The following NHSL1 variants were observed in gnomAD, a reference collection of about 807,000 sequenced individuals.
The protein encoded by NHSL1 is NHS-like protein 1.
Under a neutral mutation model 95.0 loss-of-function variants are expected in NHSL1, and 48 were observed. The ratio of observed to expected loss-of-function variants is 0.51; its 90% confidence interval spans 0.40 to 0.64. The LOEUF is 0.64. Ranked by LOEUF, NHSL1 falls within the 30% of genes least tolerant of loss-of-function variation. The probability of loss-of-function intolerance (pLI) is 0.00; values close to 1 mark genes in which losing one functional copy is unlikely to be tolerated. For missense variants in NHSL1, 1,971 were observed against 2,077.7 expected, an observed-to-expected ratio of 0.95 and a Z score of 1.00; for synonymous variants, 783 against 833.9, an observed-to-expected ratio of 0.94 and a Z score of 1.05.
chr6:138,462,617 T>C (rs1394366995), intron 3 of NHSL1, among the ~76,000 whole-genome samples: 2 of 152,200 alleles, frequency 1.3e-5, no homozygotes, highest in East Asian at 3.8e-4. Context: ...GAAGAAGTTG[T>C]GTTTGGAGAT....
intron 1 of NHSL1, chr6:138,571,638 G>T: frequency 2.2e-6 from 3 of 1,378,618 alleles, no homozygotes; most frequent in East Asian, 5.0e-5. Context: ...TCATGAAGGG[G>T]GAGTGATAGA....
At chr6:138,458,839 A>C (rs1777803672) in intron 3 of NHSL1, among the ~76,000 whole-genome samples, 1 of 151,548 alleles carries the variant, frequency 6.6e-6, no homozygotes, top group Non-Finnish European at 1.5e-5. Flanking sequence ...AAAAAAAAAA[A>C]AACAAAAAAA....
At chr6:138,510,370 C>T (rs1391342790) in intron 1 of NHSL1, among the ~76,000 whole-genome samples, 3 of 152,138 alleles carry the variant, frequency 2.0e-5, no homozygotes, top group Non-Finnish European at 4.4e-5. Context: ...AACAGCAAGA[C>T]CTATAGTTAA....
chr6:138,582,425 G>A (rs1784074751), intron 1 of NHSL1, among the ~76,000 whole-genome samples: 3 of 151,828 alleles, frequency 2.0e-5, no homozygotes, highest in Admixed American at 6.6e-5. Flanking sequence ...AAAAAACTTC[G>A]AAAAATTTTG....
chr6:138,586,772 AGGGCTTG>A (rs1247463629), intron 1 of NHSL1, among the ~76,000 whole-genome samples: 2 of 152,188 alleles, frequency 1.3e-5, no homozygotes, highest in Admixed American at 1.3e-4. Context: ...AGCCAAGCAC[AGGGCTTG>A]GGACACTGTG....
At chr6:138,597,617 C>T (rs888604852) in intron 1 of NHSL1, among the ~76,000 whole-genome samples, 2 of 152,174 alleles carry the variant, frequency 1.3e-5, no homozygotes, top group Non-Finnish European at 2.9e-5. Context: ...ACCACCTAAC[C>T]GCTTGTAGTG....
At chr6:138,465,450 T>G (rs544176721) in intron 3 of NHSL1, among the ~76,000 whole-genome samples, 1 of 152,198 alleles carries the variant, frequency 6.6e-6, no homozygotes, top group Non-Finnish European at 1.5e-5. Context: ...AGTGCCGTTT[T>G]GCCTGTTGCA....
intron 1 of NHSL1, among the ~76,000 whole-genome samples, chr6:138,533,604 G>A (rs1782224784): frequency 6.6e-6 from 1 of 152,122 alleles, no homozygotes; most frequent in Non-Finnish European, 1.5e-5. Flanking sequence ...TTTACTAAGA[G>A]AAATAATCTC....
At chr6:138,528,308 T>C (rs1666337531) in intron 1 of NHSL1, among the ~76,000 whole-genome samples, 1 of 151,984 alleles carries the variant, frequency 6.6e-6, no homozygotes, top group African/African-American at 2.4e-5. Flanking sequence ...GAGGTATTCA[T>C]TCAGAAGGAA....
At chr6:138,443,907 A>G (rs1367539175) in intron 4 of NHSL1, among the ~76,000 whole-genome samples, 1 of 152,234 alleles carries the variant, frequency 6.6e-6, no homozygotes, top group African/African-American at 2.4e-5. Flanking sequence ...AAATCACCCA[A>G]GCTCCCAGAA....
chr6:138,674,131 TA>T (rs1056201053), intron 1 of NHSL1, among the ~76,000 whole-genome samples: 8 of 152,098 alleles, frequency 5.3e-5, no homozygotes, highest in Admixed American at 3.9e-4. Context: ...TAGAGCTAAG[TA>T]AAAAAAGCAA....
At chr6:138,593,677 T>G (rs1252276410) in intron 1 of NHSL1, among the ~76,000 whole-genome samples, 1 of 152,212 alleles carries the variant, frequency 6.6e-6, no homozygotes, top group Non-Finnish European at 1.5e-5. Context: ...CACAAACTCA[T>G]GCACATTATA....
chr6:138,558,807 C>A (rs186534752), intron 1 of NHSL1, among the ~76,000 whole-genome samples: 32 of 152,262 alleles, frequency 2.1e-4, no homozygotes, highest in African/African-American at 7.7e-4. Context: ...CTTTGGGAGG[C>A]TGAAGTGGGA....
chr6:138,434,586 GA>G (rs1046134162), intron 5 of NHSL1, among the ~76,000 whole-genome samples: 3 of 148,596 alleles, frequency 2.0e-5, no homozygotes, highest in East Asian at 2.0e-4. Context: ...AGTGTACTGA[GA>G]AAAAAAAAAG....
At chr6:138,668,440 T>C (rs530422064) in intron 1 of NHSL1, among the ~76,000 whole-genome samples, 10 of 151,688 alleles carry the variant, frequency 6.6e-5, no homozygotes, top group African/African-American at 2.2e-4. Context: ...CGAAACTCCA[T>C]CTCAAAAAAA....
intron 5 of NHSL1, among the ~76,000 whole-genome samples, chr6:138,435,836 C>T (rs532847661): frequency 1.5e-4 from 22 of 151,610 alleles, no homozygotes; most frequent in Non-Finnish European, 2.1e-4. Context: ...CTGTGTGTCA[C>T]GTTTTGGTAA....
At chr6:138,537,143 C>G (rs1782386857) in intron 1 of NHSL1, among the ~76,000 whole-genome samples, 1 of 152,160 alleles carries the variant, frequency 6.6e-6, no homozygotes, top group African/African-American at 2.4e-5. Flanking sequence ...CAGTTCAAAT[C>G]TTGTTTTAAA....
At position 138,447,036 on chromosome 6, in the gene NHSL1, G is replaced by A; in HGVS notation, c.497C>T (p.Thr166Ile). The A allele has an allele frequency of 6.4e-7, 1 of 1,551,740 alleles. No homozygotes were observed. The change falls in exon 4 of 8, where the codon ACA (threonine) becomes ATA (isoleucine). Residue 166 changes from threonine (T) to isoleucine (I), a missense_variant. By Grantham distance (89) the Thr-to-Ile change is moderately conservative (BLOSUM62 -1). This residue lies in a region of NHSL1 where 1,602 missense variants were observed against 1,654.5 expected (regional missense o/e 0.97). Coordinates refer to ENST00000343505, the MANE Select transcript of NHSL1 (RefSeq NM_001144060.2). ...PEEKMRQQAQTVQADVVPINI... is the reference protein window; with the variant it reads ...PEEKMRQQAQIVQADVVPINI... ...AATAGGCACCACGTCAGCCTGGACT[G>A]TTTGGGCTTGCTGTCGCATCTTCTC...
At chr6:138,594,296 G>A (rs1020537480) in intron 1 of NHSL1, among the ~76,000 whole-genome samples, 4 of 152,166 alleles carry the variant, frequency 2.6e-5, no homozygotes, top group Non-Finnish European at 4.4e-5. Context: ...CAAGGTGGGA[G>A]TATCTATTCA....
Sources: gnomAD v4.1 joint callset for allele counts (sites outside exome capture counted in the v4.1 genomes callset) on GRCh38, gnomAD v4.1.1 for gene constraint, gnomAD v4.1.1 regional missense constraint, MANE v1.5 for transcripts, NCBI Gene and HGNC (gene_info 2026-07-23, HGNC 2026-07-21) for gene names.